The following USP42 variants were observed in gnomAD, a reference collection of about 807,000 sequenced individuals.
The protein encoded by USP42 is ubiquitin specific peptidase 42.
In USP42, 23 loss-of-function variants were observed where a neutral mutation model predicts 113.0. That is an observed-to-expected ratio of 0.20 (90% CI 0.15 to 0.29). The LOEUF (loss-of-function observed/expected upper bound fraction) is 0.29. Ranked by LOEUF, USP42 falls within the 10% of genes least tolerant of loss-of-function variation. The probability of loss-of-function intolerance (pLI) is 1.00; values close to 1 mark genes in which losing one functional copy is unlikely to be tolerated. For missense variants in USP42, 2,174 were observed against 1,779.8 expected (o/e 1.22, Z -3.99); for synonymous variants, 933 against 699.0 (o/e 1.33, Z -5.28).
chr7:6,113,190 C>G (rs149303207), intron 2 of USP42, among the ~76,000 whole-genome samples: 1 of 151,976 alleles, frequency 6.6e-6, no homozygotes, highest in Admixed American at 6.6e-5. Flanking sequence ...CCACTGCACC[C>G]GGACAACAGT....
chr7:6,092,178 C>CT, the USP42 span, among the ~76,000 whole-genome samples: 115 of 91,424 alleles, frequency 1.3e-3, 1 homozygote, highest in East Asian at 3.9e-3. Context: ...TTCTTCTTCT[C>CT]TTTTTTTTTT....
At chr7:6,089,096 G>A in the USP42 span, among the ~76,000 whole-genome samples, 1 of 150,504 alleles carries the variant, frequency 6.6e-6, no homozygotes, top group Admixed American at 6.6e-5. Flanking sequence ...CCAGGCTGGA[G>A]TGAAGTGGTG....
At chr7:6,104,484 C>A (rs1045630815), upstream of USP42, among the ~76,000 whole-genome samples, 2 of 152,262 alleles carry the variant, frequency 1.3e-5, no homozygotes, top group African/African-American at 4.8e-5. Context: ...GAGGATTTCT[C>A]GGAGCCAAGT....
Position 6,145,509 on chromosome 7 carries a change from C to A in USP42, c.991-7C>A. The A allele has an allele frequency of 6.2e-7, 1 of 1,613,798 alleles. No individual in the cohort carries two copies. Among genetic ancestry groups the A allele is most frequent in the Non-Finnish European group, 8.5e-7 (1 of 1,179,834 alleles). ...GAAATGTTTCTCCTGTTTCCATTTC[C>A]TTCTAGGATGTGAAATACCCTGAGT... is the stretch of plus-strand genomic sequence containing the variant. On this transcript the variant is annotated splice_region_variant and splice_polypyrimidine_tract_variant and intron_variant, in intron 9 of 17. Transcript: ENST00000306177.
chr7:6,119,756 C>T (rs958547855), intron 3 of USP42, among the ~76,000 whole-genome samples: 3 of 151,728 alleles, frequency 2.0e-5, no homozygotes, highest in African/African-American at 4.8e-5. Context: ...GGCTAGAGTA[C>T]AGTGGTGCAC....
At chr7:6,125,937 C>T (rs1377569227) in intron 3 of USP42, among the ~76,000 whole-genome samples, 1 of 151,842 alleles carries the variant, frequency 6.6e-6, no homozygotes, top group Non-Finnish European at 1.5e-5. Flanking sequence ...ATCCCATGTA[C>T]CCTTACTGAA....
intron 4 of USP42, 145 bp from the exon 5 acceptor site, chr7:6,138,947 G>C (rs1409000430): frequency 7.1e-6 from 4 of 562,670 alleles, no homozygotes; most frequent in Non-Finnish European, 1.2e-5. Flanking sequence ...GCTTATATTA[G>C]TGGCTTATGT....
chr7:6,158,527 G>A lies in USP42; in HGVS notation c.3944-923G>A, dbSNP rs553756379. On this transcript the variant is annotated intron_variant, in intron 16 of 17. Coordinates refer to ENST00000306177, the MANE Select transcript of USP42 (RefSeq NM_032172.3). This position sits in a 1 kb window ranked among gnomAD's most constrained non-coding sequence, Gnocchi z 4.2. The stretch of plus-strand genomic sequence containing the variant: ...GAGCCAGCATGCATTGTTGATTGAG[G>A]GGTAAACGGTCCTTAGAGTGTGTGA... 4.6e-5 allele frequency among the ~76,000 whole-genome samples: 7 copies of A among 152,288 alleles called. No homozygotes were observed. In the South Asian group the frequency reaches 1.5e-3, roughly 32 times the overall value.
intron 7 of USP42, among the ~76,000 whole-genome samples, chr7:6,141,982 G>A (rs895539893): frequency 6.6e-6 from 1 of 152,170 alleles, no homozygotes; most frequent in African/African-American, 2.4e-5. Flanking sequence ...CTTTCTGTGT[G>A]AGCGTGCTCT....
At position 6,141,196 on chromosome 7, in the gene USP42, C is replaced by CTTT. The variant is rs199589142; in HGVS notation, c.795+214_795+216dup. On this transcript the variant is annotated intron_variant, in intron 7 of 17. Transcript: ENST00000306177. ...TTATTACTCTTTGAATTTTCTTTTT[C>CTTT]TTTTCTTTTTTTTTTTTTTTTTTTG... is the stretch of plus-strand genomic sequence containing the variant. Among the ~76,000 whole-genome samples, 232 of 131,732 alleles carry CTTT rather than the reference C, an allele frequency of 1.8e-3. 1 individual carries two copies. Among genetic ancestry groups the CTTT allele is most frequent in the South Asian group, 3.1e-3 (13 of 4,160 alleles). The allele number at this position is 131,732 out of a possible 152,430, so 86.4% of individuals were successfully genotyped here. A position where few individuals can be genotyped will look rare whatever the true frequency, so the allele number is the denominator to read the frequency against.
At chr7:6,146,030 CCAGCCTGGGTGA>C (rs1231789258) in intron 10 of USP42, 106 bp from the exon 11 acceptor site, 2 of 826,932 alleles carry the variant, frequency 2.4e-6, no homozygotes, top group African/African-American at 3.5e-5. Flanking sequence ...CCACTGCACT[CCAGCCTGGGTGA>C]CAGAGTGAGA....
chr7:6,141,191 T>TTTTTC (rs1363259138), intron 7 of USP42, among the ~76,000 whole-genome samples: 11 of 149,614 alleles, frequency 7.4e-5, no homozygotes, highest in Non-Finnish European at 1.3e-4. Context: ...TTGAATTTTC[T>TTTTTC]TTTTCTTTTC....
the USP42 span, among the ~76,000 whole-genome samples, chr7:6,083,238 ATTT>A: frequency 7.9e-6 from 1 of 126,130 alleles, no homozygotes; most frequent in Admixed American, 9.4e-5. Context: ...TTATTTATTT[ATTT>A]ATTTATTTAT....
Position 6,140,036 on chromosome 7 carries a change from C to G in USP42, c.657-92C>G, listed in dbSNP as rs767472622. 4 of 1,175,970 alleles carry G rather than the reference C, an allele frequency of 3.4e-6. No homozygotes were observed. The East Asian group carries it at 9.3e-5, about 27-fold the overall frequency. The allele number at this position is 1,175,970 out of a possible 1,614,324, so 72.8% of individuals were successfully genotyped here. ...TGGCTGTCCTGTTTGAATTCTTGAT[C>G]TTTTGTGAGCTCCCATGTGTTTGAA... On this transcript the variant is annotated intron_variant, in intron 5 of 17. Transcript: ENST00000306177.
At chr7:6,152,890 G>A (rs1415158506) in intron 14 of USP42, 1 of 983,254 alleles carries the variant, frequency 1.0e-6, no homozygotes, top group Non-Finnish European at 1.2e-6. Context: ...GGGTCCAAGA[G>A]AAATCAGAGA....
the USP42 span, among the ~76,000 whole-genome samples, chr7:6,090,098 G>A: frequency 5.4e-5 from 8 of 147,298 alleles, no homozygotes; most frequent in African/African-American, 1.8e-4. Flanking sequence ...TCGGGAGTTC[G>A]AGACCAGTCT....
In USP42 at chr7:6,161,365, C is replaced by T. The variant is rs1011139697; in HGVS notation, c.*847C>T. 6.6e-6 allele frequency: 1 copy of T among 152,468 alleles called. No homozygotes were observed. Among genetic ancestry groups the T allele is most frequent in the Admixed American group, 6.5e-5 (1 of 15,268 alleles). 9.4% of individuals were successfully genotyped at this position (152,468 alleles called of 1,614,324 possible). A position where few individuals can be genotyped will look rare whatever the true frequency, so the allele number is the denominator to read the frequency against. Reference sequence around the variant, plus strand: ...TGTGATACACTTATAATTCACTGGTCCTGCATCAGGAGATGGAGTGGGGAA... The same window carrying T: ...TGTGATACACTTATAATTCACTGGTTCTGCATCAGGAGATGGAGTGGGGAA... On this transcript the variant is annotated 3_prime_UTR_variant, in exon 18 of 18. Coordinates refer to ENST00000306177, the MANE Select transcript of USP42 (RefSeq NM_032172.3).
intron 3 of USP42, among the ~76,000 whole-genome samples, chr7:6,134,945 C>T (rs1243588786): frequency 6.6e-6 from 1 of 152,064 alleles, no homozygotes; most frequent in Non-Finnish European, 1.5e-5. Context: ...TGCCACCACA[C>T]TGGGCTAATT....
At chr7:6,151,638 T>A (rs1782056625) in intron 14 of USP42, among the ~76,000 whole-genome samples, 1 of 152,218 alleles carries the variant, frequency 6.6e-6, no homozygotes. Context: ...AGACAGGGTT[T>A]TACCATGTTG....
Sources: allele counts gnomAD v4.1 joint callset (sites outside exome capture counted in the v4.1 genomes callset), GRCh38; gene constraint gnomAD v4.1.1; non-coding constraint Gnocchi (gnomAD v3.1); transcripts MANE v1.5; gene names NCBI Gene and HGNC (gene_info 2026-07-23, HGNC 2026-07-21).